The following CEP78 variants were observed in gnomAD, a reference collection of about 807,000 sequenced individuals.
CEP78 encodes the protein centrosomal protein 78.
A neutral mutation model predicts 81.2 loss-of-function variants in CEP78; 76 were observed. That is an observed-to-expected ratio of 0.94 (90% confidence interval 0.78 to 1.13). The LOEUF (loss-of-function observed/expected upper bound fraction) is 1.13. Among genes scored for constraint, CEP78 ranks in the 50% most tolerant of loss-of-function variants. The pLI, the probability that CEP78 is intolerant of heterozygous loss-of-function variation, is 0.00. For synonymous variants in CEP78, 293 were observed against 301.4 expected (o/e 0.97, Z 0.29); for missense variants, 918 against 846.8 (o/e 1.08, Z -1.04).
At chr9:78,247,918 G>T (rs1222110017) in intron 6 of CEP78, among the ~76,000 whole-genome samples, 1 of 152,210 alleles carries the variant, frequency 6.6e-6, no homozygotes, top group South Asian at 2.1e-4. Flanking sequence ...GAGAAGAGCA[G>T]CTTTGGGGGC....
chr9:78,237,882 T>G (rs1216263687), intron 1 of CEP78, among the ~76,000 whole-genome samples: 1 of 143,530 alleles, frequency 7.0e-6, no homozygotes, highest in Non-Finnish European at 1.5e-5. Flanking sequence ...GGCGGGGGGG[T>G]GTGGATCACC....
At chr9:78,268,951 T>C (rs7022790) in intron 16 of CEP78, among the ~76,000 whole-genome samples, 27,090 of 152,098 alleles carry the variant, frequency 0.18, 3,320 homozygotes, top group African/African-American at 0.32. Context: ...CTACCATGCC[T>C]GGCCGCAGGT....
chr9:78,258,692 A>C (rs1412057606), intron 11 of CEP78, among the ~76,000 whole-genome samples: 2 of 152,220 alleles, frequency 1.3e-5, no homozygotes, highest in Non-Finnish European at 2.9e-5. Context: ...AAGGATTAAA[A>C]AGAAGAATGG....
chr9:78,239,781 A>G (rs750064199), intron 1 of CEP78, among the ~76,000 whole-genome samples: 1 of 152,132 alleles, frequency 6.6e-6, no homozygotes, highest in Non-Finnish European at 1.5e-5. Context: ...TGTCATTCTC[A>G]TCTTTCTAGA....
At chr9:78,253,359 A>G (rs1024094962) in intron 10 of CEP78, 82 bp downstream of exon 10, 3 of 753,374 alleles carry the variant, frequency 4.0e-6, no homozygotes, top group Admixed American at 2.3e-5. Flanking sequence ...TTTAAATTGA[A>G]TAGAGTCGTA....
chr9:78,261,142 G>A (rs920484517), intron 11 of CEP78, among the ~76,000 whole-genome samples: 7 of 152,100 alleles, frequency 4.6e-5, no homozygotes, highest in Admixed American at 3.9e-4. Context: ...GTAGAGACGG[G>A]GTTTCACCAT....
rs1429085409 is a variant in CEP78, at chr9:78,236,356, C to G, written c.6C>G (p.Ile2Met). M[I>M]DSVKLRRDSA... ...CCCGAGGCCGCCCTCGGGCCATGAT[C>G]GACTCCGTGAAGCTGCGCCGCGACA... The change falls in exon 1 of 17, where the codon ATC becomes ATG. Residue 2 changes from isoleucine (I) to methionine (M), a missense_variant. Physicochemically the swap from Ile to Met is conservative, Grantham distance 10 (BLOSUM62 1). Transcript: ENST00000643273. 10 of 1,574,524 alleles carry G rather than the reference C, an allele frequency of 6.4e-6. No homozygotes were observed. Among genetic ancestry groups the G allele is most frequent in the Middle Eastern group, 1.7e-4 (1 of 5,916 alleles).
chr9:78,259,678 C>T (rs1200951409), intron 11 of CEP78, among the ~76,000 whole-genome samples: 2 of 152,240 alleles, frequency 1.3e-5, no homozygotes, highest in Non-Finnish European at 2.9e-5. Flanking sequence ...CTTTCAAGAG[C>T]CCTATGATAC....
In CEP78 at chr9:78,266,599, T is replaced by G; in HGVS notation, c.2003T>G (p.Met668Arg). ...QESFEGFIARMCSPSPDATSG... is the reference protein window; with the variant it reads ...QESFEGFIARRCSPSPDATSG... ...TCTTTTGAAGGATTCATTGCTAGAA[T>G]GTGTTCTCCTTCACCAGATGCGACT... Residue 668 changes from methionine to arginine, a missense_variant, in exon 16 of 17, where the codon ATG becomes AGG. Coordinates refer to ENST00000643273, the MANE Select transcript of CEP78 (RefSeq NM_001330691.3). 1.2e-6 allele frequency: 2 copies of G among 1,613,666 alleles called. No individual in the cohort carries two copies. The highest frequency in any genetic ancestry group is 1.7e-6 in the Non-Finnish European group (2 of 1,179,746).
chr9:78,254,995 A>G lies in CEP78; in HGVS notation c.1380+31A>G, dbSNP rs755750804. ...AAGCTATCACTTTAAAGATATGGAG[A>G]AGATCATTTCAAACTCTAGTTAGTT... On this transcript the variant is annotated intron_variant, in intron 11 of 16. Coordinates refer to ENST00000643273, the MANE Select transcript of CEP78 (RefSeq NM_001330691.3). 9.5e-6 allele frequency: 15 copies of G among 1,580,608 alleles called. No homozygotes were observed. The African/African-American group carries it at 1.5e-4, about 16-fold the overall frequency.
chr9:78,266,466 A>G lies in CEP78; in HGVS notation c.1870A>G (p.Arg624Gly). The change falls in exon 16 of 17, where the codon AGA becomes GGA. Residue 624 changes from arginine (R) to glycine (G), a missense_variant. Coordinates refer to ENST00000643273, the MANE Select transcript of CEP78 (RefSeq NM_001330691.3). ...MKFQKITGDA[R>G]IPLPLDSFPV... The stretch of plus-strand genomic sequence containing the variant: ...GTTTCAGAAAATTACAGGTGATGCT[A>G]GAATTCCTTTGCCTCTCGACTCCTT... 1 of 1,606,168 alleles carries G rather than the reference A, an allele frequency of 6.2e-7. No individual in the cohort carries two copies. Among genetic ancestry groups the G allele is most frequent in the Non-Finnish European group, 8.5e-7 (1 of 1,174,952 alleles).
intron 9 of CEP78, among the ~76,000 whole-genome samples, chr9:78,252,481 A>G (rs771563339): frequency 6.6e-6 from 1 of 151,870 alleles, no homozygotes; most frequent in Non-Finnish European, 1.5e-5. Flanking sequence ...AACTCATTTT[A>G]GTGAATCAAA....
At chr9:78,240,956 C>G (rs932165008) in intron 3 of CEP78, among the ~76,000 whole-genome samples, 7 of 151,204 alleles carry the variant, frequency 4.6e-5, no homozygotes, top group Non-Finnish European at 7.4e-5. Context: ...GAGCAAGACT[C>G]CGTCTCAAAA....
At chr9:78,257,770 A>G (rs1319046644) in intron 11 of CEP78, among the ~76,000 whole-genome samples, 1 of 152,254 alleles carries the variant, frequency 6.6e-6, no homozygotes, top group African/African-American at 2.4e-5. Context: ...TCAGTGGCAC[A>G]GCAGTCGGTG....
At position 78,273,713 on chromosome 9, in the gene CEP78, C is replaced by CTCCA. The variant is rs1274653297; in HGVS notation, c.*2863_*2866dup. On this transcript the variant is annotated 3_prime_UTR_variant, in exon 17 of 17. Coordinates refer to ENST00000643273, the MANE Select transcript of CEP78 (RefSeq NM_001330691.3). ...AGTGAGCTGAGATGGCACCGCTGCACTCCAGCCTGGGCCATAGAGGAGACT... is the reference window on the plus strand; with the variant it reads ...AGTGAGCTGAGATGGCACCGCTGCACTCCATCCAGCCTGGGCCATAGAGGAGACT... 6.6e-6 allele frequency: 1 copy of CTCCA among 152,298 alleles called. No homozygotes were observed. Among genetic ancestry groups the CTCCA allele is most frequent in the Non-Finnish European group, 1.5e-5 (1 of 68,100 alleles). The allele number at this position is 152,298 out of a possible 1,614,324, so 9.4% of individuals were successfully genotyped here. A position where few individuals can be genotyped will look rare whatever the true frequency, so the allele number is the denominator to read the frequency against.
intron 4 of CEP78, 35 bp from the exon 5 acceptor site, chr9:78,243,427 A>G: frequency 1.3e-6 from 2 of 1,575,306 alleles, no homozygotes; most frequent in African/African-American, 2.7e-5. Context: ...CTCTTTATCC[A>G]AGTGTATTAA....
intron 16 of CEP78, among the ~76,000 whole-genome samples, chr9:78,268,412 C>A (rs529570184): frequency 6.6e-6 from 1 of 152,254 alleles, no homozygotes; most frequent in East Asian, 1.9e-4. Context: ...GTCTTATAAT[C>A]CACGTTGCAT....
intron 3 of CEP78, 92 bp from the exon 4 acceptor site, chr9:78,241,604 T>C: frequency 1.8e-6 from 1 of 559,302 alleles, no homozygotes; most frequent in Non-Finnish European, 3.2e-6. Flanking sequence ...AACTATAAAA[T>C]AGAAAAGATA....
rs776868804 is a variant in CEP78, at chr9:78,246,786, T to C, written c.892+4T>C. The stretch of plus-strand genomic sequence containing the variant: ...ATAAGAAAAAATCCACTCATTGGTA[T>C]GTCGCTACAATATTTTTTATTGACT... On this transcript the variant is annotated splice_donor_region_variant and intron_variant, in intron 6 of 16. Coordinates refer to ENST00000643273, the MANE Select transcript of CEP78 (RefSeq NM_001330691.3). 4.0e-6 allele frequency: 6 copies of C among 1,484,674 alleles called. No homozygotes were observed. The highest frequency in any genetic ancestry group is 4.6e-6 in the Non-Finnish European group (5 of 1,081,132). The allele number at this position is 1,484,674 out of a possible 1,614,324, so 92.0% of individuals were successfully genotyped here. A position where few individuals can be genotyped will look rare whatever the true frequency, so the allele number is the denominator to read the frequency against.
Sources: allele counts gnomAD v4.1 joint callset (sites outside exome capture counted in the v4.1 genomes callset), GRCh38; gene constraint gnomAD v4.1.1; transcripts MANE v1.5; gene names NCBI Gene and HGNC (gene_info 2026-07-23, HGNC 2026-07-21).